The following UNC79 variants were observed in gnomAD, a reference collection of about 807,000 sequenced individuals.
UNC79 encodes the protein unc-79 subunit of NALCN channel complex, also known as protein unc-79 homolog.
A neutral mutation model predicts 283.1 loss-of-function variants in UNC79; 37 were observed. The ratio of observed to expected loss-of-function variants is 0.13; its 90% CI spans 0.10 to 0.17. The LOEUF (loss-of-function observed/expected upper bound fraction) is 0.17, where lower values mean the gene tolerates loss of function less well. Ranked by LOEUF, UNC79 falls within the 10% of genes least tolerant of loss-of-function variation. UNC79 has a pLI of 1.00. For synonymous variants in UNC79, 1,107 were observed against 1,200.2 expected, an observed-to-expected ratio of 0.92 and a Z score of 1.61; for missense variants, 2,272 against 3,211.1, an observed-to-expected ratio of 0.71 and a Z score of 7.07.
At chr14:93,499,023 C>T (rs980725956) in intron 7 of UNC79, among the ~76,000 whole-genome samples, 4 of 152,178 alleles carry the variant, frequency 2.6e-5, no homozygotes, top group Non-Finnish European at 5.9e-5. Flanking sequence ...GGGGATTTAA[C>T]TGAATTCAGG....
intron 1 of UNC79, among the ~76,000 whole-genome samples, chr14:93,345,468 T>A (rs978980125): frequency 1.3e-5 from 2 of 152,224 alleles, no homozygotes; most frequent in Non-Finnish European, 2.9e-5. Context: ...GATAACTTTT[T>A]AAAAGTTCAG....
intron 1 of UNC79, among the ~76,000 whole-genome samples, chr14:93,366,817 C>A (rs2054344736): frequency 6.6e-6 from 1 of 152,116 alleles, no homozygotes; most frequent in African/African-American, 2.4e-5. Context: ...AGGTGATCCA[C>A]CTGCCTCAGC....
At chr14:93,372,595 T>C (rs541663777) in intron 1 of UNC79, among the ~76,000 whole-genome samples, 130 of 152,304 alleles carry the variant, frequency 8.5e-4, no homozygotes, top group African/African-American at 2.8e-3. Flanking sequence ...TACGTAATGA[T>C]AAAAGAGTCA....
At chr14:93,498,258 C>T (rs980524447) in intron 7 of UNC79, among the ~76,000 whole-genome samples, 21 of 151,630 alleles carry the variant, frequency 1.4e-4, no homozygotes, top group African/African-American at 4.6e-4. Flanking sequence ...CTGAGCCAGA[C>T]TCTGTCTCAA....
At chr14:93,384,249 T>C (rs980567527) in intron 1 of UNC79, among the ~76,000 whole-genome samples, 1 of 152,160 alleles carries the variant, frequency 6.6e-6, no homozygotes, top group Non-Finnish European at 1.5e-5. Context: ...GGTAGCTCTG[T>C]TTTTAGTTTT....
At chr14:93,637,247 C>T (rs745532875) in exon 32 of UNC79, 19 of 1,512,716 alleles carry the variant, frequency 1.3e-5, no homozygotes, top group East Asian at 6.8e-5. Flanking sequence ...GCCAGTGTAA[C>T]GTGCCAACGT....
chr14:93,510,584 C>T (rs1052663951), intron 7 of UNC79, among the ~76,000 whole-genome samples: 1 of 152,184 alleles, frequency 6.6e-6, no homozygotes, highest in Non-Finnish European at 1.5e-5. Flanking sequence ...ATTCAAAGTT[C>T]TACAGATCCC....
intron 43 of UNC79, 89 bp downstream of exon 46, chr14:93,686,750 A>G: frequency 1.4e-6 from 2 of 1,435,572 alleles, no homozygotes; most frequent in African/African-American, 1.4e-5. Flanking sequence ...ACTTATCGCT[A>G]CCTGGGGAGG....
At chr14:93,368,150 T>C (rs746911769) in intron 1 of UNC79, among the ~76,000 whole-genome samples, 1 of 152,258 alleles carries the variant, frequency 6.6e-6, no homozygotes, top group African/African-American at 2.4e-5. Flanking sequence ...AATTAGATAT[T>C]GCCTTCTCAT....
chr14:93,455,912 TTGTGTGTG>T (rs10654684), intron 1 of UNC79, among the ~76,000 whole-genome samples: 38 of 144,224 alleles, frequency 2.6e-4, no homozygotes, highest in Admixed American at 2.1e-4. Flanking sequence ...GTACAATGGA[TTGTGTGTG>T]TGTGTGTGTG....
exon 30 of UNC79, chr14:93,622,100 A>C (rs375712940): frequency 6.2e-7 from 1 of 1,614,090 alleles, no homozygotes; most frequent in East Asian, 2.2e-5. Flanking sequence ...AAAACACTCT[A>C]TACTCTCAAC....
intron 42 of UNC79, among the ~76,000 whole-genome samples, chr14:93,685,899 A>G (rs1234655665): frequency 6.6e-6 from 1 of 152,198 alleles, no homozygotes; most frequent in African/African-American, 2.4e-5. Context: ...TTTTCCTTCA[A>G]AACTTTTCAA....
intron 14 of UNC79, among the ~76,000 whole-genome samples, chr14:93,550,179 T>C (rs1433937032): frequency 6.6e-6 from 1 of 152,214 alleles, no homozygotes; most frequent in Non-Finnish European, 1.5e-5. Context: ...ATTGCAACAA[T>C]TTAGTTAGTT....
intron 41 of UNC79, among the ~76,000 whole-genome samples, chr14:93,680,077 A>G (rs1011875712): frequency 3.9e-5 from 6 of 152,174 alleles, no homozygotes; most frequent in Non-Finnish European, 8.8e-5. Context: ...ATTTCCTTTA[A>G]TATGCCGGAT....
Position 93,690,470 on chromosome 14 carries a change from T to C in UNC79, c.7272+167T>C, listed in dbSNP as rs527924662. The C allele has an allele frequency of 1.7e-4, 123 of 712,304 alleles. No homozygotes were observed. In the African/African-American group the frequency reaches 2.1e-3, roughly 12 times the overall value. The allele number at this position is 712,304 out of a possible 1,614,324, so 44.1% of individuals were successfully genotyped here. A position where few individuals can be genotyped will look rare whatever the true frequency, so the allele number is the denominator to read the frequency against. Reference sequence around the variant, plus strand: ...ATGTCTTATTTAAAGTTGTTTAGATTCCCAGACTGTCTTTCCCCCCGCCCC... The same window carrying C: ...ATGTCTTATTTAAAGTTGTTTAGATCCCCAGACTGTCTTTCCCCCCGCCCC... On this transcript the variant is annotated intron_variant, in intron 45 of 48. Coordinates refer to ENST00000555664, the Ensembl canonical transcript of UNC79. The surrounding 1 kb of genome is among the most constrained non-coding windows in gnomAD (Gnocchi z 4.3).
Position 93,691,961 on chromosome 14 carries a change from G to C in UNC79, c.7470+15G>C, listed in dbSNP as rs369035270. On this transcript the variant is annotated intron_variant, in intron 46 of 48. Transcript: ENST00000555664. ...ATAACAAAGTGGTGAGTTCACAGAC[G>C]AGTTTCCCTTCTGAGATGGAATCTC... 6.2e-7 allele frequency: 1 copy of C among 1,612,712 alleles called. No homozygotes were observed. Among genetic ancestry groups the C allele is most frequent in the South Asian group, 1.1e-5 (1 of 91,072 alleles).
intron 1 of UNC79, among the ~76,000 whole-genome samples, chr14:93,376,511 T>C (rs1172381837): frequency 6.6e-6 from 1 of 152,132 alleles, no homozygotes; most frequent in African/African-American, 2.4e-5. Flanking sequence ...CATATAGCTA[T>C]GTGTGTGTGT....
At chr14:93,572,866 A>G in intron 16 of UNC79, 50 bp downstream of exon 16, 5 of 1,602,358 alleles carry the variant, frequency 3.1e-6, no homozygotes, top group Non-Finnish European at 4.3e-6. Context: ...CTTAGCTTAT[A>G]AGCTTTAGAT....
intron 7 of UNC79, among the ~76,000 whole-genome samples, chr14:93,515,037 T>A (rs1390994838): frequency 6.6e-6 from 1 of 152,210 alleles, no homozygotes; most frequent in Non-Finnish European, 1.5e-5. Context: ...TATGCATATT[T>A]TTTGTATTCC....
Sources: gnomAD v4.1 joint callset for allele counts (sites outside exome capture counted in the v4.1 genomes callset) on GRCh38, gnomAD v4.1.1 for gene constraint, Gnocchi (gnomAD v3.1) non-coding constraint, MANE v1.5 for transcripts, NCBI Gene and HGNC (gene_info 2026-07-23, HGNC 2026-07-21) for gene names.